Variants in CNTNAP2 observed in about 807,000 individuals in gnomAD.
The protein encoded by CNTNAP2 is contactin associated protein 2, also known as contactin-associated protein-like 2.
A neutral mutation model predicts 155.2 loss-of-function variants in CNTNAP2; 98 were observed. The observed-to-expected ratio is 0.63, with a 90% CI of 0.54 to 0.75. The LOEUF is 0.75. Ranked by LOEUF, CNTNAP2 falls within the 30% of genes least tolerant of loss-of-function variation. CNTNAP2 has a pLI of 0.00. For missense variants in CNTNAP2, 1,727 were observed against 1,688.1 expected, an observed-to-expected ratio of 1.02 and a Z score of -0.40; for synonymous variants, 651 against 631.2, an observed-to-expected ratio of 1.03 and a Z score of -0.47.
In CNTNAP2 at chr7:147,756,616, A is replaced by G. The variant is rs369651617; in HGVS notation, c.2098+117310A>G. Among the ~76,000 whole-genome samples, 29 of 152,332 alleles carry G rather than the reference A, an allele frequency of 1.9e-4. 1 individual carries two copies. In the East Asian group the frequency reaches 3.5e-3, roughly 18 times the overall value. On this transcript the variant is annotated intron_variant, in intron 13 of 23. Coordinates refer to ENST00000361727, the MANE Select transcript of CNTNAP2 (RefSeq NM_014141.6). Reference sequence around the variant, plus strand: ...TCATTAAAAACAGATTTAAAAAGTAATCCTGAAGGGGAACTTTTAAGAAAA... The same window carrying G: ...TCATTAAAAACAGATTTAAAAAGTAGTCCTGAAGGGGAACTTTTAAGAAAA...
At chr7:147,987,128 A>G (rs1801632210) in intron 15 of CNTNAP2, among the ~76,000 whole-genome samples, 1 of 152,198 alleles carries the variant, frequency 6.6e-6, no homozygotes, top group African/African-American at 2.4e-5. Context: ...GCTGACTCCC[A>G]TTAATGGATT....
intron 3 of CNTNAP2, among the ~76,000 whole-genome samples, chr7:146,947,410 CTA>C (rs35859103): frequency 0.086 from 10,476 of 122,334 alleles, 486 homozygotes; most frequent in Non-Finnish European, 0.1. Flanking sequence ...CTCTCTCTCT[CTA>C]TATATATATA....
chr7:146,888,901 A>C (rs568764746), intron 3 of CNTNAP2, among the ~76,000 whole-genome samples: 2 of 152,154 alleles, frequency 1.3e-5, no homozygotes, highest in Non-Finnish European at 2.9e-5. Flanking sequence ...CAAGGTAAAT[A>C]AGTCCTGGAG....
At chr7:147,651,982 A>G (rs1163877721) in intron 13 of CNTNAP2, among the ~76,000 whole-genome samples, 1 of 152,194 alleles carries the variant, frequency 6.6e-6, no homozygotes, top group Admixed American at 6.5e-5. Flanking sequence ...ATCAAGTTCC[A>G]CTACCATGCA....
At chr7:148,037,243 C>T (rs903676800) in intron 15 of CNTNAP2, among the ~76,000 whole-genome samples, 2 of 152,128 alleles carry the variant, frequency 1.3e-5, no homozygotes, top group Non-Finnish European at 2.9e-5. Flanking sequence ...TGCTCCCCTC[C>T]CCCATCATCT....
At chr7:146,848,556 A>T (rs1416817399) in intron 3 of CNTNAP2, among the ~76,000 whole-genome samples, 1 of 152,134 alleles carries the variant, frequency 6.6e-6, no homozygotes. Flanking sequence ...ACACTAGGAA[A>T]GTGGTCTTAT....
intron 13 of CNTNAP2, among the ~76,000 whole-genome samples, chr7:147,777,348 T>G (rs1797600027): frequency 6.6e-6 from 1 of 152,242 alleles, no homozygotes; most frequent in African/African-American, 2.4e-5. Flanking sequence ...TAAAGATGGT[T>G]GCTTAAAGAA....
intron 3 of CNTNAP2, among the ~76,000 whole-genome samples, chr7:146,851,853 A>G (rs1305851743): frequency 6.6e-6 from 1 of 151,794 alleles, no homozygotes; most frequent in Non-Finnish European, 1.5e-5. Context: ...GATAATTTTA[A>G]TTTATTTATT....
intron 8 of CNTNAP2, among the ~76,000 whole-genome samples, chr7:147,227,425 G>A (rs1191555120): frequency 6.6e-6 from 1 of 152,112 alleles, no homozygotes; most frequent in African/African-American, 2.4e-5. Context: ...TTTTTTAAAA[G>A]CTCATTCTAA....
At chr7:147,599,596 T>G (rs911764463) in intron 12 of CNTNAP2, among the ~76,000 whole-genome samples, 8 of 152,046 alleles carry the variant, frequency 5.3e-5, no homozygotes, top group Non-Finnish European at 1.2e-4. Context: ...CACAGGGCCA[T>G]GCTCTTTCTG....
chr7:147,943,766 C>CA (rs144842680), intron 14 of CNTNAP2, among the ~76,000 whole-genome samples: 504 of 40,158 alleles, frequency 0.013, 86 homozygotes, highest in Middle Eastern at 0.021. Context: ...GACCCCGTCT[C>CA]AAAAAAAAAA....
intron 1 of CNTNAP2, among the ~76,000 whole-genome samples, chr7:146,252,463 T>G (rs1310378782): frequency 6.6e-5 from 10 of 152,170 alleles, no homozygotes; most frequent in Admixed American, 6.5e-4. Flanking sequence ...CACTTGCAAC[T>G]TGACTCCCTG....
chr7:147,182,239 C>A (rs1802476024), intron 8 of CNTNAP2, among the ~76,000 whole-genome samples: 1 of 151,862 alleles, frequency 6.6e-6, no homozygotes, highest in Non-Finnish European at 1.5e-5. Context: ...ACCAGCTTTG[C>A]ACAGCTGTGA....
intron 3 of CNTNAP2, among the ~76,000 whole-genome samples, chr7:147,023,471 A>G (rs1183880566): frequency 6.6e-6 from 1 of 152,184 alleles, no homozygotes; most frequent in Non-Finnish European, 1.5e-5. Flanking sequence ...GGCATCTTGT[A>G]ACACTAGAGT....
chr7:147,680,853 AATAAC>A (rs1240064165), intron 13 of CNTNAP2, among the ~76,000 whole-genome samples: 1 of 150,882 alleles, frequency 6.6e-6, no homozygotes, highest in Non-Finnish European at 1.5e-5. Context: ...CAAAATATAT[AATAAC>A]ATATTAGTCA....
chr7:147,922,103 T>C (rs1359460137), intron 14 of CNTNAP2, among the ~76,000 whole-genome samples: 1 of 152,208 alleles, frequency 6.6e-6, no homozygotes, highest in Non-Finnish European at 1.5e-5. Context: ...AGCATTACAA[T>C]AATCACATTT....
chr7:147,687,614 A>T (rs113580354), intron 13 of CNTNAP2, among the ~76,000 whole-genome samples: 1,576 of 152,206 alleles, frequency 0.01, 20 homozygotes, highest in African/African-American at 0.036. Context: ...GTTTTTCTAG[A>T]GCCATATTTG....
intron 16 of CNTNAP2, among the ~76,000 whole-genome samples, chr7:148,123,837 T>C (rs1029395945): frequency 1.3e-5 from 2 of 151,788 alleles, no homozygotes. Flanking sequence ...AGAAACCAAA[T>C]GAAAAAGACA....
rs1362817349 is a variant in CNTNAP2 at position 147,735,625 on chromosome 7, TG to T, written c.2098+96320del. On this transcript the variant is annotated intron_variant, in intron 13 of 23. Transcript: ENST00000361727. ...CTGTCTAATGTTGACAGTGGCGTGT[TG>T]AAGTCTCCCATTATTATTGTGTGGG... Among the ~76,000 whole-genome samples the T allele has an allele frequency of 5.9e-5, 9 of 152,342 alleles. No homozygotes were observed. The East Asian group carries it at 1.5e-3, about 26-fold the overall frequency.
Sources: gnomAD v4.1 joint callset for allele counts (sites outside exome capture counted in the v4.1 genomes callset) on GRCh38, gnomAD v4.1.1 for gene constraint, MANE v1.5 for transcripts, NCBI Gene and HGNC (gene_info 2026-07-23, HGNC 2026-07-21) for gene names.